The following MMP26 variants were observed in gnomAD, a reference collection of about 807,000 sequenced individuals.
The protein encoded by MMP26 is matrix metalloproteinase-26.
In MMP26, 33 loss-of-function variants were observed where a neutral mutation model predicts 31.0. That is an observed-to-expected ratio of 1.06 (90% CI 0.81 to 1.42). MMP26 has a LOEUF of 1.42. Ranked by LOEUF, MMP26 falls within the 40% of genes most tolerant of loss-of-function variation. The pLI, the probability that MMP26 is intolerant of heterozygous loss-of-function variation, is 0.00. For missense variants in MMP26, 347 were observed against 316.1 expected, an observed-to-expected ratio of 1.10 and a Z score of -0.74; for synonymous variants, 122 against 114.9, an observed-to-expected ratio of 1.06 and a Z score of -0.40.
intron 1 of MMP26, among the ~76,000 whole-genome samples, chr11:4,764,721 A>G (rs568555241): frequency 9.3e-4 from 142 of 152,178 alleles, no homozygotes; most frequent in Non-Finnish European, 1.2e-3. Context: ...AAAATACAAA[A>G]AATTAGCTGG....
chr11:4,748,752 GA>G (rs201537557), intron 1 of MMP26, among the ~76,000 whole-genome samples: 1 of 151,650 alleles, frequency 6.6e-6, no homozygotes, highest in South Asian at 2.1e-4. Flanking sequence ...ATGAGTTCGT[GA>G]AAAAAACCCT....
At chr11:4,908,115 C>T (rs1564804843) in intron 2 of MMP26, 9 of 1,614,182 alleles carry the variant, frequency 5.6e-6, no homozygotes, top group Non-Finnish European at 7.6e-6. Context: ...GCTGTGCTCA[C>T]CTTCTATGTG....
intron 2 of MMP26, among the ~76,000 whole-genome samples, chr11:4,857,903 A>T (rs1850078981): frequency 6.6e-6 from 1 of 152,218 alleles, no homozygotes; most frequent in East Asian, 1.9e-4. Flanking sequence ...CATCCCTGGG[A>T]TGCAAGGCTG....
At chr11:4,881,970 G>A (rs1850471552) in intron 2 of MMP26, 2 of 1,613,778 alleles carry the variant, frequency 1.2e-6, no homozygotes, top group Non-Finnish European at 1.7e-6. Flanking sequence ...GGGCTGGAAT[G>A]TGCTCATGTC....
At chr11:4,932,514 G>C (rs1564809671) in intron 2 of MMP26, among the ~76,000 whole-genome samples, 1 of 152,102 alleles carries the variant, frequency 6.6e-6, no homozygotes. Flanking sequence ...ATATGTAGGC[G>C]CTTAGCTAAA....
At chr11:4,730,406 G>GAGAC in intron 1 of MMP26, among the ~76,000 whole-genome samples, 4 of 148,866 alleles carry the variant, frequency 2.7e-5, no homozygotes, top group African/African-American at 9.7e-5. Flanking sequence ...TTCTGGGAAA[G>GAGAC]AGAGAGAGAG....
At chr11:4,965,304 T>C (rs1447905783) in intron 2 of MMP26, among the ~76,000 whole-genome samples, 2 of 152,170 alleles carry the variant, frequency 1.3e-5, no homozygotes, top group East Asian at 3.9e-4. Context: ...TGGGATATTT[T>C]GTGGACTTTG....
chr11:4,765,828 C>T (rs1198702255), intron 1 of MMP26, among the ~76,000 whole-genome samples: 1 of 152,168 alleles, frequency 6.6e-6, no homozygotes, highest in Non-Finnish European at 1.5e-5. Context: ...GTGAGTCTTC[C>T]ATCTTTACAC....
chr11:4,727,143 C>T (rs1475512585), intron 1 of MMP26, among the ~76,000 whole-genome samples: 1 of 152,076 alleles, frequency 6.6e-6, no homozygotes, highest in African/African-American at 2.4e-5. Flanking sequence ...ATGTTTTCCA[C>T]TGAGTAGCTA....
At chr11:4,831,876 T>C (rs1169949646) in intron 2 of MMP26, among the ~76,000 whole-genome samples, 1 of 152,106 alleles carries the variant, frequency 6.6e-6, no homozygotes, top group African/African-American at 2.4e-5. Flanking sequence ...TATTCAGAAA[T>C]ATATCAGGGA....
chr11:4,893,816 C>T (rs912290307), intron 2 of MMP26, among the ~76,000 whole-genome samples: 4 of 151,924 alleles, frequency 2.6e-5, no homozygotes, highest in Non-Finnish European at 4.4e-5. Flanking sequence ...CTTGTTGGCA[C>T]AATGGCTCAC....
intron 1 of MMP26, chr11:4,723,159 C>A: frequency 6.3e-7 from 1 of 1,598,218 alleles, no homozygotes. Flanking sequence ...ATGGCCAGCT[C>A]CCCACGCTGC....
chr11:4,838,795 AG>A (rs146699761), intron 2 of MMP26, among the ~76,000 whole-genome samples: 4,173 of 152,336 alleles, frequency 0.027, 84 homozygotes, highest in Non-Finnish European at 0.039. Flanking sequence ...CCCCACCACA[AG>A]GACACTGATT....
intron 2 of MMP26, among the ~76,000 whole-genome samples, chr11:4,966,970 T>C (rs1846604053): frequency 6.6e-6 from 1 of 152,196 alleles, no homozygotes; most frequent in Non-Finnish European, 1.5e-5. Context: ...ACTAAAGGTT[T>C]TGTTTGCATT....
chr11:4,809,160 A>G (rs955126682), intron 2 of MMP26, among the ~76,000 whole-genome samples: 15 of 152,078 alleles, frequency 9.9e-5, no homozygotes, highest in Admixed American at 4.6e-4. Flanking sequence ...CTTTCTCCCC[A>G]ACACTGCTTT....
chr11:4,892,061 TA>T (rs576059576), intron 2 of MMP26, among the ~76,000 whole-genome samples: 30 of 148,268 alleles, frequency 2.0e-4, no homozygotes, highest in Non-Finnish European at 3.4e-4. Context: ...CTCCTTGGCC[TA>T]AAAAAAAAAG....
intron 2 of MMP26, among the ~76,000 whole-genome samples, chr11:4,968,360 A>G (rs1263431710): frequency 6.6e-6 from 1 of 152,054 alleles, no homozygotes; most frequent in African/African-American, 2.4e-5. Context: ...ACTTTTCTCT[A>G]CATGGTGAAA....
At chr11:4,756,241 C>A (rs1848503177) in intron 1 of MMP26, among the ~76,000 whole-genome samples, 1 of 151,868 alleles carries the variant, frequency 6.6e-6, no homozygotes, top group Non-Finnish European at 1.5e-5. Context: ...AAAATTCTCT[C>A]ATAATGCATA....
intron 2 of MMP26, among the ~76,000 whole-genome samples, chr11:4,773,781 C>T (rs1589896745): frequency 6.6e-6 from 1 of 152,016 alleles, no homozygotes; most frequent in East Asian, 1.9e-4. Context: ...TAATACTCTC[C>T]CTTTGCCCCC....
Sources: allele counts gnomAD v4.1 joint callset (sites outside exome capture counted in the v4.1 genomes callset), GRCh38; gene constraint gnomAD v4.1.1; transcripts MANE v1.5; gene names NCBI Gene and HGNC (gene_info 2026-07-23, HGNC 2026-07-21).